The following ADGRL3 variants were observed in gnomAD, a reference collection of about 807,000 sequenced individuals.
ADGRL3 encodes the protein adhesion G protein-coupled receptor L3.
In ADGRL3, 62 loss-of-function variants were observed where a neutral mutation model predicts 153.5. That is an observed-to-expected ratio of 0.40 (90% confidence interval 0.33 to 0.50). The LOEUF is 0.50. Ranked by LOEUF, ADGRL3 falls within the 20% of genes least tolerant of loss-of-function variation. The pLI is 0.47. For missense variants in ADGRL3, 1,641 were observed against 1,859.4 expected, an observed-to-expected ratio of 0.88 and a Z score of 2.16; for synonymous variants, 710 against 672.5, an observed-to-expected ratio of 1.06 and a Z score of -0.86.
intron 13 of ADGRL3, among the ~76,000 whole-genome samples, chr4:61,924,563 A>G (rs1271282214): frequency 6.6e-6 from 1 of 152,036 alleles, no homozygotes; most frequent in Non-Finnish European, 1.5e-5. Context: ...TCACTTGCAA[A>G]CCATTCTTCA....
intron 2 of ADGRL3, among the ~76,000 whole-genome samples, chr4:61,414,527 C>T (rs537518449): frequency 6.6e-6 from 1 of 152,142 alleles, no homozygotes; most frequent in South Asian, 2.1e-4. Flanking sequence ...CTTCAGATAA[C>T]ATGATCTAAA....
intron 2 of ADGRL3, chr4:61,427,842 G>C (rs757224368): frequency 6.5e-6 from 1 of 152,678 alleles, no homozygotes; most frequent in African/African-American, 2.4e-5. Flanking sequence ...GACTGAGTGT[G>C]CACTTCCTGT....
intron 8 of ADGRL3, among the ~76,000 whole-genome samples, chr4:61,804,631 C>T (rs1439502988): frequency 6.6e-6 from 1 of 152,168 alleles, no homozygotes; most frequent in Non-Finnish European, 1.5e-5. Context: ...TTTATTACGA[C>T]TCTGGTATTG....
chr4:61,760,805 C>T (rs1227564708), intron 8 of ADGRL3, among the ~76,000 whole-genome samples: 1 of 152,156 alleles, frequency 6.6e-6, no homozygotes, highest in Non-Finnish European at 1.5e-5. Context: ...GCTCCACCCT[C>T]CAAGATCTGT....
At chr4:61,854,494 G>A (rs2149196518) in intron 9 of ADGRL3, among the ~76,000 whole-genome samples, 2 of 152,282 alleles carry the variant, frequency 1.3e-5, no homozygotes, top group East Asian at 3.9e-4. Flanking sequence ...ATTAAATAAT[G>A]TAATATTGGA....
At chr4:61,910,354 C>A (rs899473159) in intron 12 of ADGRL3, among the ~76,000 whole-genome samples, 1 of 151,506 alleles carries the variant, frequency 6.6e-6, no homozygotes, top group African/African-American at 2.4e-5. Flanking sequence ...TATATTCCAG[C>A]AAATTTGAAT....
chr4:61,417,097 T>A (rs187116602), intron 2 of ADGRL3, among the ~76,000 whole-genome samples: 4 of 152,192 alleles, frequency 2.6e-5, no homozygotes, highest in Admixed American at 2.0e-4. Context: ...TCCTAGGTGG[T>A]AATGTTTGCT....
At chr4:61,590,506 T>G (rs77901447) in intron 5 of ADGRL3, among the ~76,000 whole-genome samples, 8,160 of 152,190 alleles carry the variant, frequency 0.054, 677 homozygotes, top group African/African-American at 0.18. Context: ...AACTATTAAT[T>G]GAAATATTTC....
chr4:61,201,753 G>C lies in ADGRL3; in HGVS notation c.-252G>C, dbSNP rs1437114770. 1 of 152,224 alleles carries C rather than the reference G, an allele frequency of 6.6e-6. No individual in the cohort carries two copies. The highest frequency in any genetic ancestry group is 6.5e-5 in the Admixed American group (1 of 15,284). The allele number at this position is 152,224 out of a possible 1,614,324, so 9.4% of individuals were successfully genotyped here. On this transcript the variant is annotated 5_prime_UTR_variant, in exon 1 of 27. Transcript: ENST00000683033. ...ACTGATGGGACGATCTCAGGGACCG[G>C]CGTTTACGAAAGGTAATTTATTCTT...
At position 61,894,922 on chromosome 4, in the gene ADGRL3, G is replaced by A. The variant is rs537669749; in HGVS notation, c.1784-809G>A. Among the ~76,000 whole-genome samples, 7 of 152,256 alleles carry A rather than the reference G, an allele frequency of 4.6e-5. No individual in the cohort carries two copies. In the South Asian group the frequency reaches 1.4e-3, roughly 32 times the overall value. ...GCACCCACAAATGATAGACAAGGGAGTTTATGATCTGGTTTACTTTTCTAC... is the reference window on the plus strand; with the variant it reads ...GCACCCACAAATGATAGACAAGGGAATTTATGATCTGGTTTACTTTTCTAC... On this transcript the variant is annotated intron_variant, in intron 10 of 26. Coordinates refer to ENST00000683033, the MANE Select transcript of ADGRL3 (RefSeq NM_001387552.1).
chr4:61,607,442 C>CA (rs908898221), intron 5 of ADGRL3, among the ~76,000 whole-genome samples: 29 of 151,740 alleles, frequency 1.9e-4, no homozygotes, highest in East Asian at 1.8e-3. Flanking sequence ...ACTTAAACTA[C>CA]AAAAAAAATT....
intron 21 of ADGRL3, among the ~76,000 whole-genome samples, chr4:62,016,015 A>G (rs1033589658): frequency 6.6e-6 from 1 of 151,418 alleles, no homozygotes; most frequent in Non-Finnish European, 1.5e-5. Context: ...TTTTCCCTTC[A>G]TTCCCTTTTA....
intron 5 of ADGRL3, among the ~76,000 whole-genome samples, chr4:61,630,631 C>T (rs2093104207): frequency 6.6e-6 from 1 of 152,192 alleles, no homozygotes; most frequent in Non-Finnish European, 1.5e-5. Flanking sequence ...CCAACTTTCT[C>T]ATAGTCATCA....
At chr4:61,342,912 A>G (rs1388791748) in intron 1 of ADGRL3, among the ~76,000 whole-genome samples, 1 of 152,138 alleles carries the variant, frequency 6.6e-6, no homozygotes, top group African/African-American at 2.4e-5. Context: ...GGTTTAATTG[A>G]CTCACAGTTC....
At chr4:61,551,074 A>T (rs2098738140) in intron 4 of ADGRL3, among the ~76,000 whole-genome samples, 1 of 152,048 alleles carries the variant, frequency 6.6e-6, no homozygotes, top group African/African-American at 2.4e-5. Context: ...TTCTTTTCTC[A>T]TATCAGCTTA....
rs2152257178 is a variant in ADGRL3 at position 61,410,307 on chromosome 4, T to C, written c.-174+27118T>C. 2.0e-5 allele frequency among the ~76,000 whole-genome samples: 3 copies of C among 152,268 alleles called. 1 individual carries two copies. In the South Asian group the frequency reaches 6.2e-4, roughly 32 times the overall value. On this transcript the variant is annotated intron_variant, in intron 2 of 26. Transcript: ENST00000683033. ...TAATTCTTGTATATTCTCAACGATA[T>C]TCCCCAAATATAAACATTGTACCTT...
chr4:61,402,537 A>G (rs2096942132), intron 2 of ADGRL3, among the ~76,000 whole-genome samples: 1 of 152,120 alleles, frequency 6.6e-6, no homozygotes, highest in African/African-American at 2.4e-5. Flanking sequence ...TGGAGCATAC[A>G]TATCTCCTAG....
At chr4:61,363,352 T>C (rs1426660407) in intron 1 of ADGRL3, among the ~76,000 whole-genome samples, 1 of 151,916 alleles carries the variant, frequency 6.6e-6, no homozygotes, top group East Asian at 1.9e-4. Flanking sequence ...TTTTTTTTTT[T>C]GGATTTTTAA....
chr4:62,014,612 A>G (rs1316599621), intron 21 of ADGRL3, among the ~76,000 whole-genome samples: 1 of 152,190 alleles, frequency 6.6e-6, no homozygotes, highest in Non-Finnish European at 1.5e-5. Flanking sequence ...GGGTGAGAAC[A>G]CTACTTCTGC....
Sources: allele counts gnomAD v4.1 joint callset (sites outside exome capture counted in the v4.1 genomes callset), GRCh38; gene constraint gnomAD v4.1.1; transcripts MANE v1.5; gene names NCBI Gene and HGNC (gene_info 2026-07-23, HGNC 2026-07-21).